Variants in RICTOR observed in about 807,000 individuals in gnomAD.
RICTOR encodes the protein rapamycin-insensitive companion of mTOR.
A neutral mutation model predicts 214.9 loss-of-function variants in RICTOR; 49 were observed. The ratio of observed to expected loss-of-function variants is 0.23; its 90% confidence interval spans 0.18 to 0.29. The LOEUF (loss-of-function observed/expected upper bound fraction) is 0.29. Ranked by LOEUF, RICTOR falls within the 10% of genes least tolerant of loss-of-function variation. RICTOR has a pLI of 1.00. For missense variants in RICTOR, 1,625 were observed against 2,047.0 expected (o/e 0.79, Z 3.98); for synonymous variants, 717 against 711.3 (o/e 1.01, Z -0.13).
At chr5:38,946,731 T>G (rs954830726) in intron 32 of RICTOR, among the ~76,000 whole-genome samples, 179 bp from the exon 33 acceptor site, 3 of 152,186 alleles carry the variant, frequency 2.0e-5, no homozygotes, top group Non-Finnish European at 4.4e-5. Flanking sequence ...AAGTCCTTAT[T>G]ATATTATTAG....
chr5:39,044,129 A>G (rs1472861223), intron 2 of RICTOR, among the ~76,000 whole-genome samples: 5 of 152,218 alleles, frequency 3.3e-5, no homozygotes, highest in African/African-American at 1.2e-4. Flanking sequence ...TTATGTGTCA[A>G]TTAAAACCAA....
At chr5:39,039,385 C>A (rs1347621285) in intron 2 of RICTOR, among the ~76,000 whole-genome samples, 2 of 152,120 alleles carry the variant, frequency 1.3e-5, no homozygotes, top group African/African-American at 4.8e-5. Flanking sequence ...CTAGGCAATA[C>A]CATTCAGGAC....
intron 19 of RICTOR, among the ~76,000 whole-genome samples, chr5:38,961,807 G>T (rs1038717228): frequency 6.6e-6 from 1 of 152,008 alleles, no homozygotes; most frequent in African/African-American, 2.4e-5. Context: ...AGTAATAGCT[G>T]GTTAGTCTAA....
intron 2 of RICTOR, among the ~76,000 whole-genome samples, chr5:39,067,003 C>T (rs1758952103): frequency 6.6e-6 from 1 of 152,218 alleles, no homozygotes; most frequent in Non-Finnish European, 1.5e-5. Context: ...CTCTTCCAAC[C>T]TCTGCCTGTT....
intron 2 of RICTOR, among the ~76,000 whole-genome samples, chr5:39,033,985 A>G (rs1756464239): frequency 6.6e-6 from 1 of 152,234 alleles, no homozygotes; most frequent in African/African-American, 2.4e-5. Flanking sequence ...CTGTGTACAC[A>G]AAAACATCTG....
intron 2 of RICTOR, among the ~76,000 whole-genome samples, chr5:39,063,581 G>C (rs1393599548): frequency 6.6e-6 from 1 of 151,784 alleles, no homozygotes; most frequent in Non-Finnish European, 1.5e-5. Flanking sequence ...CATTTTTTCT[G>C]AATTCCTCTA....
In RICTOR at chr5:38,986,753, A is replaced by G. The variant is rs1054107657; in HGVS notation, c.583+4196T>C. Among the ~76,000 whole-genome samples, 5 of 152,254 alleles carry G rather than the reference A, an allele frequency of 3.3e-5. No homozygotes were observed. The South Asian group carries it at 1.0e-3, about 32-fold the overall frequency. On this transcript the variant is annotated intron_variant, in intron 7 of 37. Coordinates refer to ENST00000357387, the MANE Select transcript of RICTOR (RefSeq NM_152756.5). ...GACTGTCCTGGCCAGAACTTCTAAT[A>G]CTATGTTGAATAGGAGTGGTGACAG...
At chr5:39,016,673 T>A (rs577418347) in intron 3 of RICTOR, among the ~76,000 whole-genome samples, 4 of 152,146 alleles carry the variant, frequency 2.6e-5, no homozygotes, top group Admixed American at 6.5e-5. Context: ...GTTCAACAGA[T>A]TCCTAGAAAT....
chr5:39,060,709 C>T (rs914325752), intron 2 of RICTOR, among the ~76,000 whole-genome samples: 2 of 152,026 alleles, frequency 1.3e-5, no homozygotes, highest in African/African-American at 2.4e-5. Context: ...ATATACATTT[C>T]GGATCTCAGT....
intron 2 of RICTOR, among the ~76,000 whole-genome samples, chr5:39,050,375 C>G (rs1438900156): frequency 2.0e-5 from 3 of 151,810 alleles, no homozygotes; most frequent in Non-Finnish European, 4.4e-5. Flanking sequence ...CTCTCTCTGT[C>G]TCCCAGGCTG....
intron 5 of RICTOR, among the ~76,000 whole-genome samples, chr5:38,999,746 AATTAC>A (rs1415339840): frequency 2.0e-5 from 3 of 152,128 alleles, no homozygotes; most frequent in Non-Finnish European, 4.4e-5. Context: ...ACACACAAAT[AATTAC>A]ATTAGACAAA....
chr5:39,040,823 T>A (rs961354312), intron 2 of RICTOR, among the ~76,000 whole-genome samples: 2 of 152,222 alleles, frequency 1.3e-5, no homozygotes, highest in African/African-American at 4.8e-5. Flanking sequence ...GCTCCTCATC[T>A]GCCATATACT....
intron 4 of RICTOR, among the ~76,000 whole-genome samples, chr5:39,003,134 C>T (rs1379538435): frequency 6.6e-6 from 1 of 151,984 alleles, no homozygotes; most frequent in Non-Finnish European, 1.5e-5. Flanking sequence ...ATTTTAATTC[C>T]TAAGAGTACC....
At chr5:39,004,776 CTTTTTTTTTTT>C (rs70982534) in intron 3 of RICTOR, among the ~76,000 whole-genome samples, 16 of 105,832 alleles carry the variant, frequency 1.5e-4, no homozygotes, top group African/African-American at 3.3e-4. Context: ...CTCTCAGACT[CTTTTTTTTTTT>C]TTTTTTTTTT....
chr5:38,984,002 G>A lies in RICTOR; in HGVS notation c.584-1966C>T, dbSNP rs547401640. ...AAAACAAAACAAAAGAAAGAAATCT[G>A]TATCTTTTTAATGCTCTAAATCAGA... On this transcript the variant is annotated intron_variant, in intron 7 of 37. Transcript: ENST00000357387. 1.0e-3 allele frequency among the ~76,000 whole-genome samples: 155 copies of A among 151,630 alleles called. 1 individual carries two copies. The Middle Eastern group carries it at 0.01, about 10-fold the overall frequency.
chr5:38,948,107 T>C (rs983046008), intron 31 of RICTOR, among the ~76,000 whole-genome samples: 1 of 152,142 alleles, frequency 6.6e-6, no homozygotes, highest in African/African-American at 2.4e-5. Flanking sequence ...ATGTTTCTCA[T>C]ACAGATTCTT....
intron 3 of RICTOR, among the ~76,000 whole-genome samples, chr5:39,012,801 AT>A (rs1316332058): frequency 6.6e-6 from 1 of 152,180 alleles, no homozygotes; most frequent in Non-Finnish European, 1.5e-5. Context: ...CACACTTTTC[AT>A]TGGGTTTGGC....
intron 7 of RICTOR, among the ~76,000 whole-genome samples, chr5:38,990,738 T>G (rs868570821): frequency 2.5e-5 from 3 of 119,110 alleles, no homozygotes; most frequent in African/African-American, 6.2e-5. Context: ...ATATATATGA[T>G]ATATATGAGA....
At chr5:39,036,953 T>C (rs1176377108) in intron 2 of RICTOR, among the ~76,000 whole-genome samples, 3 of 152,152 alleles carry the variant, frequency 2.0e-5, no homozygotes, top group Non-Finnish European at 2.9e-5. Context: ...AACTCAGCTC[T>C]GCACCAAGCA....
Sources: allele counts gnomAD v4.1 joint callset (sites outside exome capture counted in the v4.1 genomes callset), GRCh38; gene constraint gnomAD v4.1.1; transcripts MANE v1.5; gene names NCBI Gene and HGNC (gene_info 2026-07-23, HGNC 2026-07-21).